The following FBXL7 variants were observed in gnomAD, a reference collection of about 807,000 sequenced individuals.
FBXL7 encodes F-box and leucine rich repeat protein 7.
FBXL7 carries 12 observed loss-of-function variants against 38.3 expected under a neutral mutation model. The observed-to-expected ratio is 0.31, with a 90% CI of 0.20 to 0.51. The LOEUF (loss-of-function observed/expected upper bound fraction) is 0.51, where lower values mean the gene tolerates loss of function less well. Among genes scored for constraint, FBXL7 ranks in the 20% least tolerant of loss-of-function variants. The probability of loss-of-function intolerance (pLI) is 0.98; values close to 1 mark genes in which losing one functional copy is unlikely to be tolerated. For missense variants in FBXL7, 567 were observed against 676.4 expected (o/e 0.84, Z 1.79); for synonymous variants, 297 against 300.9 (o/e 0.99, Z 0.13).
intron 2 of FBXL7, among the ~76,000 whole-genome samples, chr5:15,923,044 A>G (rs183325388): frequency 3.9e-5 from 6 of 152,344 alleles, no homozygotes; most frequent in African/African-American, 1.2e-4. Flanking sequence ...TTCAGCACAT[A>G]TAGTCAGTTT....
At chr5:15,506,793 T>C (rs756014620) in intron 1 of FBXL7, among the ~76,000 whole-genome samples, 1 of 151,820 alleles carries the variant, frequency 6.6e-6, no homozygotes, top group Non-Finnish European at 1.5e-5. Flanking sequence ...GTAACCTAAT[T>C]ACCTCCTACA....
intron 2 of FBXL7, among the ~76,000 whole-genome samples, chr5:15,845,221 C>T (rs1738861205): frequency 1.3e-5 from 2 of 152,288 alleles, no homozygotes; most frequent in Non-Finnish European, 1.5e-5. Flanking sequence ...GGACAATTTC[C>T]TTATGCTGGT....
intron 2 of FBXL7, among the ~76,000 whole-genome samples, chr5:15,666,377 ACTAT>A (rs1412843410): frequency 2.6e-5 from 4 of 152,210 alleles, no homozygotes. Flanking sequence ...ATCTATCTGC[ACTAT>A]CTACTATATT....
chr5:15,855,555 A>G (rs1384770980), intron 2 of FBXL7, among the ~76,000 whole-genome samples: 1 of 152,194 alleles, frequency 6.6e-6, no homozygotes, highest in Non-Finnish European at 1.5e-5. Context: ...GAAAAATGAT[A>G]CATTTAAGGT....
chr5:15,573,391 A>G (rs1011770567), intron 1 of FBXL7, among the ~76,000 whole-genome samples: 2 of 152,164 alleles, frequency 1.3e-5, no homozygotes, highest in African/African-American at 4.8e-5. Flanking sequence ...TGCCAATAAG[A>G]TGGTCAAACC....
chr5:15,626,024 G>A (rs1740805404), intron 2 of FBXL7, among the ~76,000 whole-genome samples: 1 of 152,170 alleles, frequency 6.6e-6, no homozygotes, highest in South Asian at 2.1e-4. Flanking sequence ...GGAGCTTTTA[G>A]TCTGTGTATG....
At chr5:15,875,832 A>C (rs1322010438) in intron 2 of FBXL7, among the ~76,000 whole-genome samples, 1 of 152,216 alleles carries the variant, frequency 6.6e-6, no homozygotes, top group African/African-American at 2.4e-5. Flanking sequence ...ACCATTGTGG[A>C]AGACAGTGTG....
At chr5:15,674,416 G>C (rs956494980) in intron 2 of FBXL7, among the ~76,000 whole-genome samples, 1 of 152,184 alleles carries the variant, frequency 6.6e-6, no homozygotes, top group Non-Finnish European at 1.5e-5. Context: ...TTGAAGGAAA[G>C]GCACTGATAG....
At chr5:15,776,832 G>A (rs1736868089) in intron 2 of FBXL7, among the ~76,000 whole-genome samples, 1 of 151,942 alleles carries the variant, frequency 6.6e-6, no homozygotes, top group South Asian at 2.1e-4. Context: ...AACATTTATG[G>A]AGATAATAAT....
intron 2 of FBXL7, among the ~76,000 whole-genome samples, chr5:15,714,320 G>A (rs1743970037): frequency 6.6e-6 from 1 of 152,136 alleles, no homozygotes; most frequent in Non-Finnish European, 1.5e-5. Context: ...TGTAAGATGT[G>A]CCTGCTTCCC....
At chr5:15,639,849 C>T (rs541460194) in intron 2 of FBXL7, among the ~76,000 whole-genome samples, 19 of 151,970 alleles carry the variant, frequency 1.3e-4, no homozygotes, top group African/African-American at 4.1e-4. Flanking sequence ...AAGCTGGGGC[C>T]GAGGGAACAC....
At chr5:15,512,904 T>A (rs1736839951) in intron 1 of FBXL7, among the ~76,000 whole-genome samples, 1 of 152,232 alleles carries the variant, frequency 6.6e-6, no homozygotes, top group Non-Finnish European at 1.5e-5. Context: ...AAAACATTTG[T>A]TCTTTAAATT....
At chr5:15,588,623 G>C (rs998685562) in intron 1 of FBXL7, among the ~76,000 whole-genome samples, 21 of 152,212 alleles carry the variant, frequency 1.4e-4, no homozygotes, top group African/African-American at 5.1e-4. Context: ...CTGACCTCAA[G>C]GGATCTGCCC....
intron 1 of FBXL7, 66 bp downstream of exon 1, chr5:15,500,779 G>A: frequency 3.2e-6 from 5 of 1,568,484 alleles, no homozygotes; most frequent in Non-Finnish European, 4.4e-6. Context: ...TCGCCCTCCC[G>A]ACTGGGAAGG....
chr5:15,537,523 G>GT (rs1408347304), intron 1 of FBXL7, among the ~76,000 whole-genome samples: 1 of 152,216 alleles, frequency 6.6e-6, no homozygotes, highest in Non-Finnish European at 1.5e-5. Context: ...AGCAAGAGCC[G>GT]TTCTTCCCCA....
intron 1 of FBXL7, among the ~76,000 whole-genome samples, chr5:15,597,408 A>G (rs528036229): frequency 6.6e-6 from 1 of 152,134 alleles, no homozygotes; most frequent in South Asian, 2.1e-4. Context: ...TTTTTATAAA[A>G]GATATATAAA....
At chr5:15,606,778 T>C (rs546510746) in intron 1 of FBXL7, 4 of 152,240 alleles carry the variant, frequency 2.6e-5, no homozygotes, top group Non-Finnish European at 5.9e-5. Flanking sequence ...CACTGTCTCA[T>C]GTTTTTTGCT....
At chr5:15,572,325 G>A (rs1283268943) in intron 1 of FBXL7, among the ~76,000 whole-genome samples, 1 of 149,506 alleles carries the variant, frequency 6.7e-6, no homozygotes, top group African/African-American at 2.5e-5. Flanking sequence ...AATGTTACAT[G>A]CAAGGATAAA....
chr5:15,872,231 T>G (rs549907797), intron 2 of FBXL7, among the ~76,000 whole-genome samples: 1 of 152,248 alleles, frequency 6.6e-6, no homozygotes, highest in East Asian at 1.9e-4. Flanking sequence ...AAGGAAATAC[T>G]GAGGGATTTT....
Sources: allele counts gnomAD v4.1 joint callset (sites outside exome capture counted in the v4.1 genomes callset), GRCh38; gene constraint gnomAD v4.1.1; transcripts MANE v1.5; gene names NCBI Gene and HGNC (gene_info 2026-07-23, HGNC 2026-07-21).